The following ROBO1 variants were observed in gnomAD, a reference collection of about 807,000 sequenced individuals.
ROBO1 encodes roundabout guidance receptor 1.
A neutral mutation model predicts 195.9 loss-of-function variants in ROBO1; 149 were observed. The observed-to-expected ratio is 0.76, with a 90% CI of 0.67 to 0.87. The LOEUF is 0.87. ROBO1 is among the 40% of genes least tolerant of loss of function. The probability of loss-of-function intolerance (pLI) is 0.00; values close to 1 mark genes in which losing one functional copy is unlikely to be tolerated. For missense variants in ROBO1, 1,933 were observed against 2,068.3 expected (o/e 0.93, Z 1.27); for synonymous variants, 816 against 733.2 (o/e 1.11, Z -1.82).
intron 3 of ROBO1, among the ~76,000 whole-genome samples, chr3:78,980,959 ATCAAAG>A (rs2076977771): frequency 1.3e-5 from 2 of 152,330 alleles, no homozygotes; most frequent in African/African-American, 4.8e-5. Flanking sequence ...ATTCTAAGTC[ATCAAAG>A]TCAGAGGATG....
intron 2 of ROBO1, among the ~76,000 whole-genome samples, chr3:79,536,281 C>G (rs1478054672): frequency 6.6e-6 from 1 of 152,024 alleles, no homozygotes; most frequent in Non-Finnish European, 1.5e-5. Context: ...GACACAAATG[C>G]ATACACACAT....
chr3:79,223,285 G>A (rs2082172643), intron 2 of ROBO1, among the ~76,000 whole-genome samples: 1 of 152,086 alleles, frequency 6.6e-6, no homozygotes, highest in Non-Finnish European at 1.5e-5. Flanking sequence ...TGAAACATCT[G>A]AATTATATCT....
chr3:78,850,531 G>A (rs754495233), intron 4 of ROBO1, among the ~76,000 whole-genome samples: 1 of 152,124 alleles, frequency 6.6e-6, no homozygotes, highest in Non-Finnish European at 1.5e-5. Flanking sequence ...AAATGTCATA[G>A]GTAGAATACT....
intron 4 of ROBO1, among the ~76,000 whole-genome samples, chr3:78,808,866 A>ATTT (rs1386549402): frequency 5.3e-5 from 8 of 152,348 alleles, no homozygotes; most frequent in East Asian, 3.9e-4. Context: ...TTAAAGACTT[A>ATTT]AAAGTAAGAG....
chr3:78,646,322 A>C, intron 20 of ROBO1, 132 bp from the exon 21 acceptor site: 1 of 642,690 alleles, frequency 1.6e-6, no homozygotes, highest in Non-Finnish European at 2.7e-6. Flanking sequence ...CAAAAATCAC[A>C]TGACGTAACA....
chr3:79,670,752 C>T (rs1046339726), intron 1 of ROBO1, among the ~76,000 whole-genome samples: 4 of 151,790 alleles, frequency 2.6e-5, no homozygotes, highest in African/African-American at 7.2e-5. Flanking sequence ...CAGAAACTCA[C>T]GTACAGCCAC....
chr3:78,840,948 G>A (rs896741242), intron 4 of ROBO1, among the ~76,000 whole-genome samples: 1 of 151,596 alleles, frequency 6.6e-6, no homozygotes, highest in Non-Finnish European at 1.5e-5. Context: ...TGTAGTCCCA[G>A]CTACTTGGGA....
chr3:79,215,621 T>C (rs935425895), intron 2 of ROBO1, among the ~76,000 whole-genome samples: 4 of 152,186 alleles, frequency 2.6e-5, no homozygotes, highest in African/African-American at 9.6e-5. Flanking sequence ...CAAAGGGCTG[T>C]TTGGATAATA....
intron 2 of ROBO1, among the ~76,000 whole-genome samples, chr3:79,349,063 T>G (rs1004924416): frequency 6.6e-6 from 1 of 152,220 alleles, no homozygotes; most frequent in African/African-American, 2.4e-5. Context: ...GGTTTTGTAC[T>G]GTGAGGATGC....
At chr3:79,499,990 T>C (rs1939969871) in intron 2 of ROBO1, among the ~76,000 whole-genome samples, 1 of 151,976 alleles carries the variant, frequency 6.6e-6, no homozygotes, top group Non-Finnish European at 1.5e-5. Flanking sequence ...TATTTTTTAC[T>C]AGAGATGGGG....
chr3:79,439,225 T>C (rs113001678), intron 2 of ROBO1, among the ~76,000 whole-genome samples: 201 of 152,172 alleles, frequency 1.3e-3, no homozygotes, highest in African/African-American at 4.5e-3. Flanking sequence ...GTTTACAAAG[T>C]GAAGACAGGC....
intron 2 of ROBO1, among the ~76,000 whole-genome samples, chr3:79,310,879 A>G (rs922615899): frequency 6.6e-6 from 1 of 152,246 alleles, no homozygotes; most frequent in Non-Finnish European, 1.5e-5. Flanking sequence ...AAGTGTTATC[A>G]ATTTCATTAA....
intron 1 of ROBO1, among the ~76,000 whole-genome samples, chr3:79,619,528 T>C (rs1394286417): frequency 6.6e-6 from 1 of 152,238 alleles, no homozygotes; most frequent in South Asian, 2.1e-4. Flanking sequence ...ATAACCCTTC[T>C]ATTACCTCCC....
At chr3:79,361,154 T>C (rs2035753567) in intron 2 of ROBO1, among the ~76,000 whole-genome samples, 1 of 152,104 alleles carries the variant, frequency 6.6e-6, no homozygotes, top group Non-Finnish European at 1.5e-5. Context: ...AGATAAATGA[T>C]AGTTGTATGA....
chr3:79,369,534 T>C (rs2036111142), intron 2 of ROBO1, among the ~76,000 whole-genome samples: 1 of 152,216 alleles, frequency 6.6e-6, no homozygotes, highest in Admixed American at 6.5e-5. Context: ...AACACCCATT[T>C]TCTATTTGCT....
chr3:79,271,956 T>C (rs1429025498), intron 2 of ROBO1, among the ~76,000 whole-genome samples: 1 of 152,064 alleles, frequency 6.6e-6, no homozygotes, highest in African/African-American at 2.4e-5. Context: ...GACATGGAAA[T>C]CTATCTAATA....
intron 4 of ROBO1, among the ~76,000 whole-genome samples, chr3:78,783,050 T>C (rs1039197005): frequency 2.0e-5 from 3 of 152,220 alleles, no homozygotes; most frequent in Non-Finnish European, 4.4e-5. Context: ...TAATAGATTT[T>C]TGTTTATTTA....
intron 3 of ROBO1, among the ~76,000 whole-genome samples, chr3:78,972,775 G>T (rs1441599405): frequency 6.6e-6 from 1 of 151,986 alleles, no homozygotes; most frequent in African/African-American, 2.4e-5. Context: ...TCCATTCCTC[G>T]ATCACAGTGG....
chr3:78,719,989 A>T (rs1472014608), intron 5 of ROBO1, among the ~76,000 whole-genome samples: 1 of 152,190 alleles, frequency 6.6e-6, no homozygotes, highest in Non-Finnish European at 1.5e-5. Flanking sequence ...TGTCTTTATC[A>T]TAACCCTGCT....
Sources: gnomAD v4.1 joint callset for allele counts (sites outside exome capture counted in the v4.1 genomes callset) on GRCh38, gnomAD v4.1.1 for gene constraint, MANE v1.5 for transcripts, NCBI Gene and HGNC (gene_info 2026-07-23, HGNC 2026-07-21) for gene names.